The following CD96 variants were observed in gnomAD, a reference collection of about 807,000 sequenced individuals.
CD96 encodes the protein CD96 molecule.
CD96 carries 70 observed loss-of-function variants against 71.3 expected under a neutral mutation model. That is an observed-to-expected ratio of 0.98 (90% CI 0.81 to 1.20). CD96 has a LOEUF of 1.20. CD96 is among the 50% of genes most tolerant of loss of function. The pLI, the probability that CD96 is intolerant of heterozygous loss-of-function variation, is 0.00. For synonymous variants in CD96, 248 were observed against 233.0 expected (o/e 1.06, Z -0.59); for missense variants, 742 against 677.5 (o/e 1.10, Z -1.06).
chr3:111,602,183 G>A (rs752513094), intron 7 of CD96, among the ~76,000 whole-genome samples: 3 of 152,160 alleles, frequency 2.0e-5, no homozygotes, highest in Non-Finnish European at 2.9e-5. Context: ...AGTAGCTTTG[G>A]CAGAATCTAA....
chr3:111,599,327 A>G (rs1486086021), intron 6 of CD96, among the ~76,000 whole-genome samples: 2 of 152,160 alleles, frequency 1.3e-5, no homozygotes, highest in Non-Finnish European at 2.9e-5. Flanking sequence ...TGTATTGATC[A>G]CTTGATGCAT....
intron 12 of CD96, among the ~76,000 whole-genome samples, chr3:111,639,507 G>C (rs1311272039): frequency 6.6e-6 from 1 of 152,138 alleles, no homozygotes. Flanking sequence ...GCTCAGACAT[G>C]CCTAGCCCTG....
chr3:111,600,595 C>T, intron 6 of CD96, 131 bp from the exon 7 acceptor site: 1 of 695,640 alleles, frequency 1.4e-6, no homozygotes, highest in Non-Finnish European at 2.6e-6. Flanking sequence ...TTGACTCTCA[C>T]TGCAGAGAAG....
chr3:111,593,880 C>T (rs772779689), intron 5 of CD96: 1 of 1,613,758 alleles, frequency 6.2e-7, no homozygotes, highest in Non-Finnish European at 8.5e-7. Context: ...TCCAGCTCCT[C>T]TCTGTGCATG....
chr3:111,571,409 T>C (rs1420981595), intron 3 of CD96, among the ~76,000 whole-genome samples: 1 of 152,008 alleles, frequency 6.6e-6, no homozygotes, highest in Non-Finnish European at 1.5e-5. Flanking sequence ...GATTGTTTAA[T>C]GAGTGGCAGC....
intron 2 of CD96, among the ~76,000 whole-genome samples, chr3:111,558,798 G>C (rs1935218391): frequency 7.0e-6 from 1 of 143,208 alleles, no homozygotes; most frequent in Admixed American, 7.0e-5. Flanking sequence ...GTTCCTCCTT[G>C]TACCTCTGGT....
intron 10 of CD96, among the ~76,000 whole-genome samples, chr3:111,626,294 A>AGG (rs1938752594): frequency 7.4e-6 from 1 of 135,034 alleles, no homozygotes. Flanking sequence ...GTGACAGAGT[A>AGG]AGACTCCGTC....
rs541634681 is a variant in CD96, at chr3:111,621,900, A to C, written c.1181-1854A>C. On this transcript the variant is annotated intron_variant, in intron 8 of 13. Transcript: ENST00000352690. Reference sequence around the variant, plus strand: ...TCCAATACTCAGTTCAAAGCAATCTACAAAAGCATCATATATGCTTTAGGT... The same window carrying C: ...TCCAATACTCAGTTCAAAGCAATCTCCAAAAGCATCATATATGCTTTAGGT... Among the ~76,000 whole-genome samples the C allele has an allele frequency of 3.3e-4, 51 of 152,352 alleles. No homozygotes were observed. The South Asian group carries it at 0.01, about 31-fold the overall frequency.
rs1936657264 is a variant in CD96, at chr3:111,585,324, T to C, written c.753T>C (p.Ala251=). 6.2e-7 allele frequency: 1 copy of C among 1,608,790 alleles called. No individual in the cohort carries two copies. Among genetic ancestry groups the C allele is most frequent in the Admixed American group, 1.7e-5 (1 of 59,992 alleles). Residue 251 remains alanine (A), a splice_region_variant and synonymous_variant, in exon 5 of 14, where the codon GCT becomes GCC. Coordinates refer to ENST00000352690, the MANE Select transcript of CD96 (RefSeq NM_005816.5). ...AACTATGTTTTATTTGCCTTTAAGC[T>C]AAACCAGAAATCCCTGTGATTGTGG... ...LRSSTTVKVF[A]KPEIPVIVEN...
chr3:111,592,238 AAATT>A (rs1401983305), intron 5 of CD96, among the ~76,000 whole-genome samples: 1 of 152,138 alleles, frequency 6.6e-6, no homozygotes, highest in Admixed American at 6.5e-5. Flanking sequence ...TTCTATTTCT[AAATT>A]AATATTTTAG....
In CD96 at chr3:111,600,710, C is replaced by G. The variant is rs561170402; in HGVS notation, c.899-16C>G. 1 of 1,579,422 alleles carries G rather than the reference C, an allele frequency of 6.3e-7. No homozygotes were observed. Among genetic ancestry groups the G allele is most frequent in the African/African-American group, 1.3e-5 (1 of 74,224 alleles). On this transcript the variant is annotated splice_polypyrimidine_tract_variant and intron_variant, in intron 6 of 13. Coordinates refer to ENST00000352690, the MANE Select transcript of CD96 (RefSeq NM_005816.5). ...TAAAATGTTAGTGTTGAACCATGTTCGTATCTGTCTGGCAGGAATATATAT... is the reference window on the plus strand; with the variant it reads ...TAAAATGTTAGTGTTGAACCATGTTGGTATCTGTCTGGCAGGAATATATAT...
chr3:111,594,324 G>A (rs1937153796), intron 5 of CD96: 5 of 1,256,670 alleles, frequency 4.0e-6, no homozygotes, highest in Middle Eastern at 4.0e-4. Context: ...TCACAATAAT[G>A]GCCAAAGTCT....
chr3:111,642,717 G>C (rs945793020), intron 12 of CD96, among the ~76,000 whole-genome samples: 4 of 152,100 alleles, frequency 2.6e-5, no homozygotes, highest in Non-Finnish European at 5.9e-5. Flanking sequence ...TGAGGTGGGA[G>C]ATTTGCTTGA....
At chr3:111,649,381 C>T (rs1451621953) in intron 13 of CD96, among the ~76,000 whole-genome samples, 5 of 152,114 alleles carry the variant, frequency 3.3e-5, no homozygotes, top group Non-Finnish European at 7.3e-5. Flanking sequence ...TGATACATTT[C>T]CTGCACACAA....
intron 10 of CD96, among the ~76,000 whole-genome samples, chr3:111,625,046 C>A (rs1417447841): frequency 6.6e-6 from 1 of 152,224 alleles, no homozygotes; most frequent in African/African-American, 2.4e-5. Flanking sequence ...ATGGATGCCA[C>A]AGGGCCAGAA....
At chr3:111,573,008 C>G (rs1235122827) in intron 3 of CD96, among the ~76,000 whole-genome samples, 3 of 152,000 alleles carry the variant, frequency 2.0e-5, no homozygotes, top group Non-Finnish European at 4.4e-5. Flanking sequence ...TGAGGGGTAA[C>G]TAAGTAAACA....
intron 14 of CD96, among the ~76,000 whole-genome samples, chr3:111,662,208 A>G (rs1940375397): frequency 6.6e-6 from 1 of 152,206 alleles, no homozygotes; most frequent in Non-Finnish European, 1.5e-5. Context: ...GCAGGGCACC[A>G]TGTACCAAGG....
In CD96 at chr3:111,651,000, TTGACTGCA is replaced by T. The variant is rs1239701104; in HGVS notation, c.*1195_*1202del. 6.6e-6 allele frequency: 1 copy of T among 152,244 alleles called. No individual in the cohort carries two copies. Among genetic ancestry groups the T allele is most frequent in the African/African-American group, 2.4e-5 (1 of 41,462 alleles). 9.4% of individuals were successfully genotyped at this position (152,244 alleles called of 1,614,324 possible). On this transcript the variant is annotated 3_prime_UTR_variant, in exon 14 of 14. Transcript: ENST00000352690. ...TAGTTCACTTGCAGTATGCTTATCC[TTGACTGCA>T]CATGAGAATGCCTTGTGCAGAGTTA...
intron 8 of CD96, among the ~76,000 whole-genome samples, chr3:111,617,817 T>C (rs559619558): frequency 2.0e-5 from 3 of 152,296 alleles, no homozygotes; most frequent in African/African-American, 7.2e-5. Flanking sequence ...TCCCACCTGC[T>C]CACCACATTG....
Sources: gnomAD v4.1 joint callset for allele counts (sites outside exome capture counted in the v4.1 genomes callset) on GRCh38, gnomAD v4.1.1 for gene constraint, MANE v1.5 for transcripts, NCBI Gene and HGNC (gene_info 2026-07-23, HGNC 2026-07-21) for gene names.